COL25A1: variants seen among roughly 807,000 people sequenced by gnomAD.
COL25A1 encodes the protein collagen alpha-1(XXV) chain.
A neutral mutation model predicts 128.4 loss-of-function variants in COL25A1; 103 were observed. The observed-to-expected ratio is 0.80, with a 90% CI of 0.68 to 0.94. The LOEUF is 0.94. Ranked by LOEUF, COL25A1 falls within the 40% of genes least tolerant of loss-of-function variation. The probability of loss-of-function intolerance (pLI) is 0.00; values close to 1 mark genes in which losing one functional copy is unlikely to be tolerated. For missense variants in COL25A1, 745 were observed against 840.0 expected (o/e 0.89, Z 1.40); for synonymous variants, 279 against 277.2 (o/e 1.01, Z -0.06).
At chr4:108,929,805 G>A (rs920235176) in intron 11 of COL25A1, among the ~76,000 whole-genome samples, 2 of 152,100 alleles carry the variant, frequency 1.3e-5, no homozygotes, top group Admixed American at 6.5e-5. Flanking sequence ...CAGGCCAGGT[G>A]ACAGAGCAAG....
intron 3 of COL25A1, among the ~76,000 whole-genome samples, chr4:109,159,775 C>G (rs1321632276): frequency 6.6e-6 from 1 of 152,106 alleles, no homozygotes; most frequent in South Asian, 2.1e-4. Context: ...TAGACCATTT[C>G]TAACATTTTG....
At chr4:108,819,078 G>A (rs923093825) in intron 36 of COL25A1, among the ~76,000 whole-genome samples, 174 bp downstream of exon 36, 3 of 152,154 alleles carry the variant, frequency 2.0e-5, no homozygotes, top group African/African-American at 7.2e-5. Flanking sequence ...TGATAGAAAC[G>A]CGTGCTTGCT....
intron 3 of COL25A1, among the ~76,000 whole-genome samples, chr4:109,092,393 G>T (rs1242186866): frequency 6.6e-6 from 1 of 152,186 alleles, no homozygotes; most frequent in Non-Finnish European, 1.5e-5. Flanking sequence ...GCTGAGGTGA[G>T]AGGATTGCTT....
chr4:109,118,124 A>G (rs1257586792), intron 3 of COL25A1, among the ~76,000 whole-genome samples: 1 of 151,884 alleles, frequency 6.6e-6, no homozygotes, highest in Admixed American at 6.6e-5. Context: ...TACAGAAATT[A>G]TCAGAGTAAA....
chr4:109,073,224 T>A (rs1763124803), intron 3 of COL25A1, among the ~76,000 whole-genome samples: 1 of 152,158 alleles, frequency 6.6e-6, no homozygotes, highest in Admixed American at 6.5e-5. Flanking sequence ...AACCAAGACC[T>A]TGGCCTCTTA....
intron 3 of COL25A1, among the ~76,000 whole-genome samples, chr4:109,275,232 T>G (rs1251002504): frequency 6.6e-6 from 1 of 152,162 alleles, no homozygotes; most frequent in African/African-American, 2.4e-5. Flanking sequence ...GTGCTGGGTC[T>G]ATTGTGTATT....
chr4:109,246,510 T>C (rs1405826624), intron 3 of COL25A1, among the ~76,000 whole-genome samples: 1 of 152,292 alleles, frequency 6.6e-6, no homozygotes, highest in South Asian at 2.1e-4. Context: ...TGATTTGATA[T>C]TTTACTGTAT....
At chr4:109,187,011 C>A (rs2126154543) in intron 3 of COL25A1, among the ~76,000 whole-genome samples, 1 of 152,182 alleles carries the variant, frequency 6.6e-6, no homozygotes, top group East Asian at 1.9e-4. Context: ...GGGAACAACC[C>A]TTAGGGGTAT....
intron 3 of COL25A1, among the ~76,000 whole-genome samples, chr4:109,299,638 T>C (rs1285891349): frequency 1.3e-5 from 2 of 152,182 alleles, no homozygotes; most frequent in Non-Finnish European, 2.9e-5. Flanking sequence ...TGTTGCTTAA[T>C]ACTAAAGAAA....
chr4:109,028,788 G>A (rs1320430280), intron 5 of COL25A1, among the ~76,000 whole-genome samples: 2 of 152,052 alleles, frequency 1.3e-5, no homozygotes, highest in Non-Finnish European at 2.9e-5. Flanking sequence ...CAAGGGAGGA[G>A]TGGTGAGTAA....
chr4:108,980,168 T>C (rs1284806192), intron 6 of COL25A1, among the ~76,000 whole-genome samples: 2 of 152,196 alleles, frequency 1.3e-5, no homozygotes, highest in African/African-American at 4.8e-5. Context: ...GGAGATGAAG[T>C]GTGCTCTGTT....
intron 6 of COL25A1, among the ~76,000 whole-genome samples, chr4:108,976,754 G>A (rs1323611043): frequency 6.6e-6 from 1 of 152,190 alleles, no homozygotes; most frequent in Non-Finnish European, 1.5e-5. Context: ...CTTTTGCTAA[G>A]TACCAGCTAC....
chr4:108,877,154 C>G (rs564332375), intron 19 of COL25A1, among the ~76,000 whole-genome samples: 2 of 152,148 alleles, frequency 1.3e-5, no homozygotes, highest in South Asian at 2.1e-4. Context: ...ACAGCCAGGG[C>G]GCATTCAGAT....
chr4:109,059,153 T>C (rs953116604), intron 3 of COL25A1, among the ~76,000 whole-genome samples: 25 of 152,206 alleles, frequency 1.6e-4, no homozygotes, highest in Non-Finnish European at 3.1e-4. Context: ...GACTAATATT[T>C]ATGAGTGCCA....
intron 3 of COL25A1, among the ~76,000 whole-genome samples, chr4:109,259,355 G>A (rs1781283681): frequency 6.6e-6 from 1 of 152,140 alleles, no homozygotes; most frequent in Admixed American, 6.5e-5. Flanking sequence ...CATTTAAAAT[G>A]TCTGTTGCTG....
intron 3 of COL25A1, among the ~76,000 whole-genome samples, chr4:109,207,708 A>T (rs940873260): frequency 6.6e-6 from 1 of 152,210 alleles, no homozygotes; most frequent in Non-Finnish European, 1.5e-5. Flanking sequence ...TTCTATTTAC[A>T]ACTTAGTGAC....
intron 24 of COL25A1, among the ~76,000 whole-genome samples, chr4:108,857,164 A>G (rs775914850): frequency 1.3e-5 from 2 of 152,134 alleles, no homozygotes; most frequent in Non-Finnish European, 2.9e-5. Flanking sequence ...TACCTCTTAA[A>G]GGTAGCTGGA....
chr4:109,060,304 A>G (rs1314707580), intron 3 of COL25A1, among the ~76,000 whole-genome samples: 2 of 152,040 alleles, frequency 1.3e-5, no homozygotes, highest in East Asian at 1.9e-4. Context: ...AGAAAGAGCA[A>G]CCTCTAATCC....
chr4:108,991,312 A>C (rs1176799340), intron 6 of COL25A1, among the ~76,000 whole-genome samples: 1 of 152,216 alleles, frequency 6.6e-6, no homozygotes, highest in Non-Finnish European at 1.5e-5. Flanking sequence ...TTAAACTCTG[A>C]GATGATACTA....
Sources: gnomAD v4.1 joint callset for allele counts (sites outside exome capture counted in the v4.1 genomes callset) on GRCh38, gnomAD v4.1.1 for gene constraint, MANE v1.5 for transcripts, NCBI Gene and HGNC (gene_info 2026-07-23, HGNC 2026-07-21) for gene names.